The following CERKL variants were observed in gnomAD, a reference collection of about 807,000 sequenced individuals.
CERKL encodes CERK like autophagy regulator.
CERKL carries 61 observed loss-of-function variants against 63.4 expected under a neutral mutation model. That is an observed-to-expected ratio of 0.96 (90% CI 0.78 to 1.19). The LOEUF (loss-of-function observed/expected upper bound fraction) is 1.19, where lower values mean the gene tolerates loss of function less well. CERKL is among the 50% of genes most tolerant of loss of function. CERKL has a pLI of 0.00. For missense variants in CERKL, 675 were observed against 655.5 expected (o/e 1.03, Z -0.33); for synonymous variants, 250 against 230.5 (o/e 1.08, Z -0.77).
intron 4 of CERKL, among the ~76,000 whole-genome samples, chr2:181,563,407 T>G (rs1429805680): frequency 6.6e-6 from 1 of 152,180 alleles, no homozygotes; most frequent in East Asian, 1.9e-4. Context: ...TTGTTTTGCT[T>G]TACTAAATAC....
intron 4 of CERKL, among the ~76,000 whole-genome samples, chr2:181,564,100 C>T (rs1322263606): frequency 6.6e-6 from 1 of 152,090 alleles, no homozygotes; most frequent in Admixed American, 6.6e-5. Flanking sequence ...ATATCCCTCG[C>T]GTGCCCAGTT....
At chr2:181,580,705 C>G (rs989702150) in intron 2 of CERKL, among the ~76,000 whole-genome samples, 11 of 152,176 alleles carry the variant, frequency 7.2e-5, no homozygotes, top group Admixed American at 7.2e-4. Context: ...TAACACTGAT[C>G]TCTAGTTTTC....
At chr2:181,638,034 G>A (rs1232901720) in intron 1 of CERKL, among the ~76,000 whole-genome samples, 1 of 152,102 alleles carries the variant, frequency 6.6e-6, no homozygotes. Context: ...GAGTAATGAT[G>A]TTGTTATAGT....
intron 1 of CERKL, among the ~76,000 whole-genome samples, chr2:181,615,007 T>A (rs1686129988): frequency 6.6e-6 from 1 of 152,230 alleles, no homozygotes; most frequent in African/African-American, 2.4e-5. Flanking sequence ...TGAAATCTAC[T>A]GGTTCATTAG....
intron 2 of CERKL, among the ~76,000 whole-genome samples, chr2:181,598,606 A>G (rs1685322341): frequency 6.6e-6 from 1 of 152,168 alleles, no homozygotes; most frequent in African/African-American, 2.4e-5. Flanking sequence ...ACTGGATTGC[A>G]GCCTGAACTG....
At chr2:181,549,381 G>GCACACTACAATATTTT (rs910166297) in intron 6 of CERKL, among the ~76,000 whole-genome samples, 2 of 152,092 alleles carry the variant, frequency 1.3e-5, no homozygotes, top group Non-Finnish European at 1.5e-5. Flanking sequence ...ATAATTTTGA[G>GCACACTACAATATTTT]CACACTACAA....
At chr2:181,557,550 G>A (rs1330837027) in intron 5 of CERKL, among the ~76,000 whole-genome samples, 1 of 152,012 alleles carries the variant, frequency 6.6e-6, no homozygotes, top group Non-Finnish European at 1.5e-5. Context: ...CTCTTTTCTG[G>A]ATCACAGTGT....
At chr2:181,600,115 A>T (rs1160375950) in intron 2 of CERKL, among the ~76,000 whole-genome samples, 2 of 152,200 alleles carry the variant, frequency 1.3e-5, no homozygotes, top group African/African-American at 4.8e-5. Flanking sequence ...AAGCTTCATA[A>T]ATGAAGGAGA....
chr2:181,608,130 T>C (rs1481170265), intron 1 of CERKL, among the ~76,000 whole-genome samples: 2 of 151,750 alleles, frequency 1.3e-5, no homozygotes, highest in African/African-American at 2.4e-5. Context: ...TCAGCCTCCC[T>C]AGTAACTGGG....
Position 181,592,550 on chromosome 2 carries a change from A to G in CERKL, c.481+11287T>C, listed in dbSNP as rs1264997571. The stretch of plus-strand genomic sequence containing the variant: ...AGGTAGGCATCATAAGGATAGCACA[A>G]TCTGAATGGCATATCAAAGACAGCA... On this transcript the variant is annotated intron_variant, in intron 2 of 12. Coordinates refer to ENST00000410087, the MANE Select transcript of CERKL (RefSeq NM_201548.5). 9.9e-5 allele frequency among the ~76,000 whole-genome samples: 15 copies of G among 152,176 alleles called. 1 individual carries two copies. The highest frequency in any genetic ancestry group is 9.2e-4 in the Admixed American group (14 of 15,268).
intron 11 of CERKL, among the ~76,000 whole-genome samples, chr2:181,544,298 T>C (rs1200165015): frequency 9.2e-5 from 14 of 152,198 alleles, no homozygotes; most frequent in Non-Finnish European, 2.9e-5. Flanking sequence ...TGCAAACAAA[T>C]GTCAGGAAGA....
chr2:181,559,720 G>A (rs1455868896), intron 4 of CERKL, among the ~76,000 whole-genome samples: 1 of 152,162 alleles, frequency 6.6e-6, no homozygotes, highest in African/African-American at 2.4e-5. Flanking sequence ...AACTGTCTAT[G>A]GGCCACAGTC....
At chr2:181,636,025 G>C (rs1334977951) in intron 1 of CERKL, among the ~76,000 whole-genome samples, 1 of 152,144 alleles carries the variant, frequency 6.6e-6, no homozygotes, top group Non-Finnish European at 1.5e-5. Flanking sequence ...AAAGAGCCTA[G>C]GGCTCATAGG....
At chr2:181,644,979 G>A (rs1385007556) in intron 1 of CERKL, among the ~76,000 whole-genome samples, 1 of 152,130 alleles carries the variant, frequency 6.6e-6, no homozygotes, top group African/African-American at 2.4e-5. Flanking sequence ...AGCCAAGCAT[G>A]GAAATCTTAT....
chr2:181,606,887 T>G (rs1574493108), intron 1 of CERKL, among the ~76,000 whole-genome samples: 2 of 152,222 alleles, frequency 1.3e-5, no homozygotes, highest in East Asian at 3.8e-4. Flanking sequence ...TGGTTTGTCC[T>G]GTCCCGGTCA....
intron 1 of CERKL, among the ~76,000 whole-genome samples, chr2:181,622,820 A>C (rs1686513407): frequency 6.6e-6 from 1 of 152,224 alleles, no homozygotes; most frequent in Non-Finnish European, 1.5e-5. Context: ...AAAACAGATT[A>C]GCAATTTAAA....
intron 1 of CERKL, among the ~76,000 whole-genome samples, chr2:181,654,276 C>T (rs1427280739): frequency 6.6e-6 from 1 of 152,030 alleles, no homozygotes; most frequent in African/African-American, 2.4e-5. Flanking sequence ...TCCATTATTC[C>T]AGGTCATCCC....
At chr2:181,656,561 G>A (rs1010503694) in intron 1 of CERKL, among the ~76,000 whole-genome samples, 1 of 151,988 alleles carries the variant, frequency 6.6e-6, no homozygotes, top group Non-Finnish European at 1.5e-5. Flanking sequence ...TGGGGGTTCT[G>A]GGATGGGGCG....
chr2:181,583,493 T>C (rs968142278), intron 2 of CERKL, among the ~76,000 whole-genome samples: 1 of 152,298 alleles, frequency 6.6e-6, no homozygotes, highest in Non-Finnish European at 1.5e-5. Context: ...AGCCTTTAGA[T>C]TGAAAATTCA....
Sources: allele counts gnomAD v4.1 joint callset (sites outside exome capture counted in the v4.1 genomes callset), GRCh38; gene constraint gnomAD v4.1.1; transcripts MANE v1.5; gene names NCBI Gene and HGNC (gene_info 2026-07-23, HGNC 2026-07-21).